KCNMB2: variants seen among roughly 807,000 people sequenced by gnomAD.
The protein encoded by KCNMB2 is calcium-activated potassium channel subunit beta-2.
In KCNMB2, 9 loss-of-function variants were observed where a neutral mutation model predicts 24.5. The ratio of observed to expected loss-of-function variants is 0.37; its 90% CI spans 0.22 to 0.64. The LOEUF (loss-of-function observed/expected upper bound fraction) is 0.64. Ranked by LOEUF, KCNMB2 falls within the 30% of genes least tolerant of loss-of-function variation. The pLI, the probability that KCNMB2 is intolerant of heterozygous loss-of-function variation, is 0.63. For synonymous variants in KCNMB2, 109 were observed against 104.4 expected (o/e 1.04, Z -0.27); for missense variants, 226 against 284.3 (o/e 0.79, Z 1.47).
intron 1 of KCNMB2, among the ~76,000 whole-genome samples, chr3:178,759,571 A>C (rs2108406783): frequency 7.7e-6 from 1 of 130,144 alleles, no homozygotes; most frequent in East Asian, 2.3e-4. Flanking sequence ...ATCTCTCTCC[A>C]CGAGGATATA....
chr3:178,827,147 A>G (rs1714867738), intron 3 of KCNMB2, among the ~76,000 whole-genome samples: 1 of 152,206 alleles, frequency 6.6e-6, no homozygotes, highest in South Asian at 2.1e-4. Flanking sequence ...TCCCATTGCT[A>G]TGGTGATCAG....
chr3:178,815,124 T>G (rs200839032), intron 2 of KCNMB2, among the ~76,000 whole-genome samples: 4 of 152,042 alleles, frequency 2.6e-5, no homozygotes, highest in Non-Finnish European at 4.4e-5. Context: ...ACTATACTAG[T>G]TTTTGTTTGT....
intron 2 of KCNMB2, among the ~76,000 whole-genome samples, chr3:178,809,544 A>T (rs1714104237): frequency 6.6e-6 from 1 of 152,158 alleles, no homozygotes; most frequent in Non-Finnish European, 1.5e-5. Flanking sequence ...TCAGGATTTG[A>T]ACCCAGCTGA....
intron 1 of KCNMB2, among the ~76,000 whole-genome samples, chr3:178,656,348 T>C (rs1421958096): frequency 6.6e-6 from 1 of 152,220 alleles, no homozygotes; most frequent in Non-Finnish European, 1.5e-5. Flanking sequence ...TGAATTCAAA[T>C]GATATTCCTA....
intron 4 of KCNMB2, among the ~76,000 whole-genome samples, chr3:178,837,661 T>C (rs751417064): frequency 2.0e-5 from 3 of 152,202 alleles, no homozygotes; most frequent in Non-Finnish European, 4.4e-5. Context: ...GTTGCTCATA[T>C]GTGTACCATT....
At chr3:178,590,826 A>G (rs1330622255) in intron 1 of KCNMB2, among the ~76,000 whole-genome samples, 3 of 152,158 alleles carry the variant, frequency 2.0e-5, no homozygotes, top group Non-Finnish European at 4.4e-5. Flanking sequence ...TTTATATAAT[A>G]CTTTAATCAC....
At chr3:178,545,481 A>C (rs1202141928) in intron 1 of KCNMB2, among the ~76,000 whole-genome samples, 2 of 152,242 alleles carry the variant, frequency 1.3e-5, no homozygotes, top group African/African-American at 4.8e-5. Context: ...AGAAAGTTAA[A>C]AATAGCCAGC....
At chr3:178,569,795 C>G (rs1333611117) in intron 1 of KCNMB2, among the ~76,000 whole-genome samples, 2 of 152,194 alleles carry the variant, frequency 1.3e-5, no homozygotes, top group Non-Finnish European at 2.9e-5. Flanking sequence ...CCTTCTGTCT[C>G]AAAATTCAGT....
intron 1 of KCNMB2, among the ~76,000 whole-genome samples, chr3:178,700,439 G>A (rs1722046487): frequency 6.6e-6 from 1 of 152,176 alleles, no homozygotes; most frequent in African/African-American, 2.4e-5. Context: ...TACCAGGGAG[G>A]TAAATTAAAT....
At chr3:178,574,045 T>C (rs1716904436) in intron 1 of KCNMB2, among the ~76,000 whole-genome samples, 1 of 152,186 alleles carries the variant, frequency 6.6e-6, no homozygotes, top group African/African-American at 2.4e-5. Context: ...TAAAATTATG[T>C]TCTAATGTTA....
At chr3:178,775,768 C>A (rs1404273418) in intron 1 of KCNMB2, among the ~76,000 whole-genome samples, 2 of 152,130 alleles carry the variant, frequency 1.3e-5, no homozygotes. Context: ...TGAGTTTTGA[C>A]ACAGGAAGTC....
At chr3:178,719,904 C>T (rs9834051) in intron 1 of KCNMB2, among the ~76,000 whole-genome samples, 1,635 of 152,250 alleles carry the variant, frequency 0.011, 29 homozygotes, top group African/African-American at 0.038. Context: ...TAGCCCCCGG[C>T]AACCACTGTC....
chr3:178,698,399 C>G (rs1366322933), intron 1 of KCNMB2, among the ~76,000 whole-genome samples: 1 of 152,190 alleles, frequency 6.6e-6, no homozygotes, highest in Middle Eastern at 3.2e-3. Flanking sequence ...GTTTCCTCCA[C>G]TTGGTCTATT....
At chr3:178,646,748 C>T (rs1388225365) in intron 1 of KCNMB2, among the ~76,000 whole-genome samples, 2 of 152,208 alleles carry the variant, frequency 1.3e-5, no homozygotes, top group Non-Finnish European at 2.9e-5. Flanking sequence ...TGTTAATGAA[C>T]TTGGTCTGTT....
chr3:178,616,365 G>A (rs911885880), intron 1 of KCNMB2, among the ~76,000 whole-genome samples: 2 of 152,212 alleles, frequency 1.3e-5, no homozygotes, highest in Non-Finnish European at 2.9e-5. Context: ...GATCAGAAAT[G>A]GTGCTCTGGC....
intron 1 of KCNMB2, among the ~76,000 whole-genome samples, chr3:178,640,760 C>T (rs1420487418): frequency 6.6e-6 from 1 of 152,132 alleles, no homozygotes; most frequent in East Asian, 1.9e-4. Context: ...GTACTAAAAA[C>T]TGAGAACCAA....
intron 1 of KCNMB2, among the ~76,000 whole-genome samples, chr3:178,726,043 T>C (rs1053722209): frequency 2.6e-5 from 4 of 151,956 alleles, no homozygotes; most frequent in Non-Finnish European, 5.9e-5. Flanking sequence ...TAAATATTTT[T>C]AATGCTTAAA....
chr3:178,792,958 T>C (rs1052137884), intron 1 of KCNMB2, among the ~76,000 whole-genome samples: 5 of 152,164 alleles, frequency 3.3e-5, no homozygotes, highest in African/African-American at 1.2e-4. Context: ...AGCCTTCCCA[T>C]CTTGGCTGCT....
chr3:178,658,457 CA>C (rs1720416539), intron 1 of KCNMB2, among the ~76,000 whole-genome samples: 1 of 152,178 alleles, frequency 6.6e-6, no homozygotes, highest in Non-Finnish European at 1.5e-5. Context: ...TTTTCTCTAG[CA>C]CCCACATTTT....
Sources: allele counts gnomAD v4.1 joint callset (sites outside exome capture counted in the v4.1 genomes callset), GRCh38; gene constraint gnomAD v4.1.1; transcripts MANE v1.5; gene names NCBI Gene and HGNC (gene_info 2026-07-23, HGNC 2026-07-21).